The following LGR4 variants were observed in gnomAD, a reference collection of about 807,000 sequenced individuals.
LGR4 encodes the protein leucine-rich repeat-containing G protein-coupled receptor 4.
Under a neutral mutation model 84.8 loss-of-function variants are expected in LGR4, and 44 were observed. That is an observed-to-expected ratio of 0.52 (90% CI 0.41 to 0.67). The LOEUF (loss-of-function observed/expected upper bound fraction) is 0.67. LGR4 is among the 30% of genes least tolerant of loss of function. The pLI is 0.00. For synonymous variants in LGR4, 429 were observed against 434.3 expected, an observed-to-expected ratio of 0.99 and a Z score of 0.15; for missense variants, 1,032 against 1,131.4, an observed-to-expected ratio of 0.91 and a Z score of 1.26.
intron 1 of LGR4, 68 bp downstream of exon 1, chr11:27,472,050 G>A (rs1384021259): frequency 6.1e-6 from 7 of 1,144,802 alleles, no homozygotes; most frequent in Non-Finnish European, 7.7e-6. Flanking sequence ...CCCTGGCTCC[G>A]CCCCGCGGCG....
At chr11:27,462,549 G>A (rs1864701486) in intron 1 of LGR4, among the ~76,000 whole-genome samples, 2 of 152,174 alleles carry the variant, frequency 1.3e-5, no homozygotes, top group South Asian at 4.1e-4. Flanking sequence ...CATTAGCACA[G>A]TGGCTCACCT....
Position 27,380,111 on chromosome 11 carries a change from G to C in LGR4, c.971+160C>G, listed in dbSNP as rs534370350. 1.1e-4 allele frequency among the ~76,000 whole-genome samples: 16 copies of C among 152,218 alleles called. No homozygotes were observed. The South Asian group carries it at 3.1e-3, about 30-fold the overall frequency. ...CGGCTCTACTCTGCCTAAGCTCACTGACCCCATACCCAATATATTCTTCTC... is the reference window on the plus strand; with the variant it reads ...CGGCTCTACTCTGCCTAAGCTCACTCACCCCATACCCAATATATTCTTCTC... On this transcript the variant is annotated intron_variant, in intron 10 of 17. Coordinates refer to ENST00000379214, the MANE Select transcript of LGR4 (RefSeq NM_018490.5).
chr11:27,445,351 T>C (rs1001690780), intron 1 of LGR4, among the ~76,000 whole-genome samples: 10 of 152,216 alleles, frequency 6.6e-5, no homozygotes, highest in African/African-American at 2.2e-4. Flanking sequence ...CCTGGATATA[T>C]ATTTTCAATA....
chr11:27,367,482 A>G lies in LGR4; in HGVS notation c.*385T>C, dbSNP rs1199329345. 2 of 156,612 alleles carry G rather than the reference A, an allele frequency of 1.3e-5. No individual in the cohort carries two copies. The highest frequency in any genetic ancestry group is 2.8e-5 in the Non-Finnish European group (2 of 70,828). 9.7% of individuals were successfully genotyped at this position (156,612 alleles called of 1,614,324 possible). A position where few individuals can be genotyped will look rare whatever the true frequency, so the allele number is the denominator to read the frequency against. On this transcript the variant is annotated 3_prime_UTR_variant, in exon 18 of 18. Transcript: ENST00000379214. Reference sequence around the variant, plus strand: ...AAGATATTTTCTTCAGTTATAGAAAATCACATTTTAAAATAGATTTTTAAA... The same window carrying G: ...AAGATATTTTCTTCAGTTATAGAAAGTCACATTTTAAAATAGATTTTTAAA...
In LGR4 at chr11:27,376,349, G is replaced by T; in HGVS notation, c.1131C>A (p.Ile377=). Residue 377 remains isoleucine (I), a synonymous_variant, in exon 13 of 18, where the codon ATC becomes ATA. Transcript: ENST00000379214. ...GAAAGGTGCCTTCCTTTATTTGGTA[G>T]ATTTGATTACGCTGTAAAGAACTAA... is the stretch of plus-strand genomic sequence containing the variant. The part of the protein sequence containing the change: ...LEEISLQRNQ[I]YQIKEGTFQG... 1.3e-6 allele frequency: 2 copies of T among 1,567,328 alleles called. No individual in the cohort carries two copies. Among genetic ancestry groups the T allele is most frequent in the Non-Finnish European group, 1.8e-6 (2 of 1,142,672 alleles).
At chr11:27,450,424 T>C (rs1247420888) in intron 1 of LGR4, among the ~76,000 whole-genome samples, 2 of 152,184 alleles carry the variant, frequency 1.3e-5, no homozygotes, top group African/African-American at 4.8e-5. Flanking sequence ...TTCCACAAAC[T>C]TCCACTTGGA....
At chr11:27,380,578 C>A (rs1863073304) in intron 9 of LGR4, 62 bp downstream of exon 9, 2 of 1,156,746 alleles carry the variant, frequency 1.7e-6, no homozygotes, top group Non-Finnish European at 2.5e-6. Flanking sequence ...GTAATAAATT[C>A]TTGTTTTCCA....
intron 17 of LGR4, among the ~76,000 whole-genome samples, chr11:27,370,064 T>C (rs918159472): frequency 1.1e-4 from 16 of 152,202 alleles, no homozygotes; most frequent in Non-Finnish European, 1.5e-5. Context: ...ATTACAACTG[T>C]TTTACTGAAA....
intron 1 of LGR4, among the ~76,000 whole-genome samples, chr11:27,467,610 A>G (rs551085575): frequency 2.0e-5 from 3 of 152,182 alleles, no homozygotes; most frequent in African/African-American, 7.2e-5. Context: ...CAACAATAAA[A>G]AACACTTTTG....
chr11:27,467,213 T>G lies in LGR4; in HGVS notation c.185+4905A>C, dbSNP rs558918287. ...AGAGTCTCCTGGGTTGGTGAGAGAT[T>G]CTACAGTTTAGACACCTATACTTCA... On this transcript the variant is annotated intron_variant, in intron 1 of 17. Coordinates refer to ENST00000379214, the MANE Select transcript of LGR4 (RefSeq NM_018490.5). 9.2e-5 allele frequency among the ~76,000 whole-genome samples: 14 copies of G among 152,244 alleles called. No individual in the cohort carries two copies. In the South Asian group the frequency reaches 2.5e-3, roughly 27 times the overall value.
chr11:27,425,300 C>T (rs1864001599), intron 1 of LGR4, among the ~76,000 whole-genome samples: 1 of 150,910 alleles, frequency 6.6e-6, no homozygotes, highest in Admixed American at 6.6e-5. Context: ...GGTACAATCG[C>T]AGTTTATAGT....
chr11:27,378,488 A>G (rs1863031360), intron 11 of LGR4, among the ~76,000 whole-genome samples: 1 of 152,202 alleles, frequency 6.6e-6, no homozygotes, highest in African/African-American at 2.4e-5. Context: ...ATAAAGTCAC[A>G]AGTATATGAT....
At chr11:27,430,968 A>G (rs1440092348) in intron 1 of LGR4, among the ~76,000 whole-genome samples, 1 of 149,358 alleles carries the variant, frequency 6.7e-6, no homozygotes, top group Non-Finnish European at 1.5e-5. Context: ...TGCCTGGTCT[A>G]TTCTTCCCTA....
chr11:27,435,314 C>G (rs1250813658), intron 1 of LGR4, among the ~76,000 whole-genome samples: 1 of 151,832 alleles, frequency 6.6e-6, no homozygotes, highest in Non-Finnish European at 1.5e-5. Flanking sequence ...GCCTGGGCAA[C>G]AGAGTGAGAC....
At chr11:27,464,910 C>T (rs1864750044) in intron 1 of LGR4, among the ~76,000 whole-genome samples, 1 of 152,056 alleles carries the variant, frequency 6.6e-6, no homozygotes, top group South Asian at 2.1e-4. Context: ...AACCTGCATT[C>T]TCCTAGTGTC....
intron 4 of LGR4, among the ~76,000 whole-genome samples, chr11:27,388,438 T>C (rs1863225728): frequency 6.6e-6 from 1 of 152,202 alleles, no homozygotes; most frequent in South Asian, 2.1e-4. Flanking sequence ...GAGGGTTTAT[T>C]CAAGGTATTT....
rs551624889 is a variant in LGR4 at position 27,466,045 on chromosome 11, G to A, written c.185+6073C>T. Among the ~76,000 whole-genome samples, 30 of 152,248 alleles carry A rather than the reference G, an allele frequency of 2.0e-4. 2 individuals carry two copies. The highest frequency in any genetic ancestry group is 5.8e-4 in the African/African-American group (24 of 41,550). The stretch of plus-strand genomic sequence containing the variant: ...CAACAACTTGAAGGCCGCACGGGAC[G>A]GTTAAATAGCAAGCTGGGTAACATA... On this transcript the variant is annotated intron_variant, in intron 1 of 17. Coordinates refer to ENST00000379214, the MANE Select transcript of LGR4 (RefSeq NM_018490.5).
At chr11:27,400,959 C>T (rs1863489548) in intron 2 of LGR4, among the ~76,000 whole-genome samples, 1 of 152,120 alleles carries the variant, frequency 6.6e-6, no homozygotes, top group South Asian at 2.1e-4. Context: ...TCAGAACAGT[C>T]CTATATCAAC....
intron 4 of LGR4, among the ~76,000 whole-genome samples, chr11:27,388,442 G>C (rs1198186174): frequency 6.6e-6 from 1 of 152,086 alleles, no homozygotes; most frequent in Non-Finnish European, 1.5e-5. Flanking sequence ...GTTTATTCAA[G>C]GTATTTTTCT....
Sources: gnomAD v4.1 joint callset for allele counts (sites outside exome capture counted in the v4.1 genomes callset) on GRCh38, gnomAD v4.1.1 for gene constraint, MANE v1.5 for transcripts, NCBI Gene and HGNC (gene_info 2026-07-23, HGNC 2026-07-21) for gene names.